Variants in ADCY3 observed in about 807,000 individuals in gnomAD.
The protein encoded by ADCY3 is adenylate cyclase 3, also known as adenylate cyclase type 3.
A neutral mutation model predicts 119.4 loss-of-function variants in ADCY3; 70 were observed. That is an observed-to-expected ratio of 0.59 (90% CI 0.48 to 0.72). The LOEUF is 0.72. Among genes scored for constraint, ADCY3 ranks in the 30% least tolerant of loss-of-function variants. ADCY3 has a pLI of 0.00. For missense variants in ADCY3, 1,238 were observed against 1,541.6 expected (o/e 0.80, Z 3.30); for synonymous variants, 672 against 621.4 (o/e 1.08, Z -1.21).
chr2:24,915,063 G>A (rs1419252858), intron 2 of ADCY3, among the ~76,000 whole-genome samples: 3 of 152,190 alleles, frequency 2.0e-5, no homozygotes, highest in Admixed American at 1.3e-4. Context: ...ACAGAGCTGC[G>A]CATGGGCATG....
rs1667754409 is a variant in ADCY3 at position 24,821,760 on chromosome 2, C to G, written c.3004-120G>C. On this transcript the variant is annotated intron_variant, in intron 19 of 21. Coordinates refer to ENST00000679454, the MANE Select transcript of ADCY3 (RefSeq NM_004036.5). ...CTACACCTAGATGTTCAAGGCCTTA[C>G]TTTTCCTCCCACAAAGGAGTCGCAG... The G allele has an allele frequency of 2.1e-6, 3 of 1,434,860 alleles. No homozygotes were observed. The Admixed American group carries it at 6.7e-5, about 32-fold the overall frequency. The allele number at this position is 1,434,860 out of a possible 1,614,324, so 88.9% of individuals were successfully genotyped here. A position where few individuals can be genotyped will look rare whatever the true frequency, so the allele number is the denominator to read the frequency against.
At chr2:24,891,825 C>T (rs544980919) in intron 2 of ADCY3, among the ~76,000 whole-genome samples, 1 of 152,224 alleles carries the variant, frequency 6.6e-6, no homozygotes, top group African/African-American at 2.4e-5. Flanking sequence ...TATAACTGTT[C>T]TATTTTATTA....
intron 3 of ADCY3, among the ~76,000 whole-genome samples, chr2:24,860,259 C>G (rs947680464): frequency 1.3e-5 from 2 of 152,218 alleles, no homozygotes; most frequent in African/African-American, 4.8e-5. Flanking sequence ...AGGTCCCCAA[C>G]TAACCCCTGA....
intron 2 of ADCY3, among the ~76,000 whole-genome samples, chr2:24,902,034 CTGTGTGTGTGTGTGTGTGTGTGTG>C (rs57980321): frequency 8.2e-6 from 1 of 122,342 alleles, no homozygotes; most frequent in Non-Finnish European, 1.6e-5. Context: ...CATTTTAACT[CTGTGTGTGTGTGTGTGTGTGTGTG>C]TGTGTGTGTG....
At chr2:24,857,427 T>C (rs557737939) in intron 3 of ADCY3, among the ~76,000 whole-genome samples, 25 of 152,396 alleles carry the variant, frequency 1.6e-4, no homozygotes, top group African/African-American at 4.8e-4. Context: ...ACAGCGCTAA[T>C]AGAACTTCCT....
intron 19 of ADCY3, chr2:24,822,166 A>C (rs958779338): frequency 1.9e-5 from 4 of 215,482 alleles, no homozygotes; most frequent in Non-Finnish European, 3.7e-5. Context: ...ACAAAAGAAC[A>C]GGCTGCCGTC....
At chr2:24,902,807 A>C (rs1261360096) in intron 2 of ADCY3, among the ~76,000 whole-genome samples, 1 of 152,092 alleles carries the variant, frequency 6.6e-6, no homozygotes, top group East Asian at 1.9e-4. Flanking sequence ...CGGTGGGTGG[A>C]TCACCTGAGG....
intron 2 of ADCY3, among the ~76,000 whole-genome samples, chr2:24,916,231 C>T (rs367675739): frequency 9.2e-5 from 14 of 152,198 alleles, no homozygotes; most frequent in Non-Finnish European, 1.8e-4. Flanking sequence ...AAGTGATCTC[C>T]GAGTAGCCAC....
chr2:24,882,758 G>A (rs1676545247), intron 2 of ADCY3, among the ~76,000 whole-genome samples: 1 of 152,170 alleles, frequency 6.6e-6, no homozygotes, highest in East Asian at 1.9e-4. Flanking sequence ...TCTACTGGCA[G>A]TAAAGAAGCT....
chr2:24,884,803 C>G (rs1676839888), intron 2 of ADCY3, among the ~76,000 whole-genome samples: 1 of 150,964 alleles, frequency 6.6e-6, no homozygotes, highest in Admixed American at 6.6e-5. Context: ...CTTCTGATCC[C>G]TGGTTCACCC....
At chr2:24,885,935 C>G (rs1459838653) in intron 2 of ADCY3, among the ~76,000 whole-genome samples, 1 of 152,182 alleles carries the variant, frequency 6.6e-6, no homozygotes, top group African/African-American at 2.4e-5. Flanking sequence ...CTGACCTCGG[C>G]ACATGCTGTA....
chr2:24,877,978 C>T (rs1205134972), intron 2 of ADCY3: 18 of 471,104 alleles, frequency 3.8e-5, no homozygotes, highest in African/African-American at 8.0e-5. Context: ...CCTCTTCTTG[C>T]CCCGTGGTCC....
chr2:24,867,667 G>C (rs981679127), intron 3 of ADCY3, among the ~76,000 whole-genome samples: 1 of 152,170 alleles, frequency 6.6e-6, no homozygotes, highest in African/African-American at 2.4e-5. Context: ...GAAATGGAGA[G>C]AATTTGGTAC....
At position 24,872,423 on chromosome 2, in the gene ADCY3, G is replaced by A. The variant is rs963486350; in HGVS notation, c.825+147C>T. The stretch of plus-strand genomic sequence containing the variant: ...CCCTCTAATAGTGAGGAGCCCAGAA[G>A]ACAAAGTTCAGAAGCAAACACCTGA... On this transcript the variant is annotated intron_variant, in intron 3 of 21. Transcript: ENST00000679454. This position sits in a 1 kb window ranked among gnomAD's most constrained non-coding sequence, Gnocchi z 4.4. 9.9e-7 allele frequency: 1 copy of A among 1,005,410 alleles called. No individual in the cohort carries two copies. Among genetic ancestry groups the A allele is most frequent in the Non-Finnish European group, 1.5e-6 (1 of 685,428 alleles). The allele number at this position is 1,005,410 out of a possible 1,614,324, so 62.3% of individuals were successfully genotyped here.
chr2:24,826,253 C>T (rs1466024800), intron 15 of ADCY3, 127 bp from the exon 16 acceptor site: 2 of 776,704 alleles, frequency 2.6e-6, no homozygotes, highest in Admixed American at 5.6e-5. Context: ...GCTCCTTAGG[C>T]CCTTTCACAT....
chr2:24,849,053 G>A lies in ADCY3; in HGVS notation c.826-6669C>T, dbSNP rs536723769. On this transcript the variant is annotated intron_variant, in intron 3 of 21. Coordinates refer to ENST00000679454, the MANE Select transcript of ADCY3 (RefSeq NM_004036.5). The stretch of plus-strand genomic sequence containing the variant: ...GAGGCGTGGTCAGGTGTGTGGGCAG[G>A]GAGGGACGTGGAACGTGAGGTTTAA... Among the ~76,000 whole-genome samples, 5 of 152,342 alleles carry A rather than the reference G, an allele frequency of 3.3e-5. 1 individual carries two copies. In the South Asian group the frequency reaches 1.0e-3, roughly 32 times the overall value.
chr2:24,865,707 C>T (rs1379379423), intron 3 of ADCY3, among the ~76,000 whole-genome samples: 1 of 152,018 alleles, frequency 6.6e-6, no homozygotes, highest in Non-Finnish European at 1.5e-5. Context: ...TATAGAGGAT[C>T]TTATAGCAGG....
At chr2:24,863,459 C>T (rs1467010645) in intron 3 of ADCY3, among the ~76,000 whole-genome samples, 1 of 152,186 alleles carries the variant, frequency 6.6e-6, no homozygotes, top group African/African-American at 2.4e-5. Context: ...ATTGTGGGAC[C>T]TTGTGATCAT....
chr2:24,863,712 T>C (rs1673954176), intron 3 of ADCY3, among the ~76,000 whole-genome samples: 1 of 152,248 alleles, frequency 6.6e-6, no homozygotes, highest in Admixed American at 6.5e-5. Context: ...TATAATTGTA[T>C]ATTCTTGCCA....
Sources: allele counts gnomAD v4.1 joint callset (sites outside exome capture counted in the v4.1 genomes callset), GRCh38; gene constraint gnomAD v4.1.1; non-coding constraint Gnocchi (gnomAD v3.1); transcripts MANE v1.5; gene names NCBI Gene and HGNC (gene_info 2026-07-23, HGNC 2026-07-21).